The following PRKACB variants were observed in gnomAD, a reference collection of about 807,000 sequenced individuals.
PRKACB encodes protein kinase cAMP-activated catalytic subunit beta.
A neutral mutation model predicts 51.4 loss-of-function variants in PRKACB; 16 were observed. That is an observed-to-expected ratio of 0.31 (90% CI 0.21 to 0.47). PRKACB has a LOEUF of 0.47. Among genes scored for constraint, PRKACB ranks in the 20% least tolerant of loss-of-function variants. PRKACB has a pLI of 1.00. For synonymous variants in PRKACB, 147 were observed against 154.4 expected, an observed-to-expected ratio of 0.95 and a Z score of 0.35; for missense variants, 309 against 464.5, an observed-to-expected ratio of 0.67 and a Z score of 3.08.
chr1:84,151,847 A>G (rs1472610031), intron 1 of PRKACB, among the ~76,000 whole-genome samples: 5 of 152,164 alleles, frequency 3.3e-5, no homozygotes, highest in Non-Finnish European at 7.4e-5. Context: ...AAACCGCTCA[A>G]ACGCATCTAT....
At chr1:84,191,789 G>C (rs972253682) in intron 5 of PRKACB, among the ~76,000 whole-genome samples, 3 of 151,866 alleles carry the variant, frequency 2.0e-5, no homozygotes, top group Non-Finnish European at 4.4e-5. Context: ...CATCCAATAT[G>C]CCCATGTAGC....
intron 1 of PRKACB, among the ~76,000 whole-genome samples, chr1:84,154,456 T>C (rs928013322): frequency 6.6e-6 from 1 of 152,094 alleles, no homozygotes; most frequent in Non-Finnish European, 1.5e-5. Flanking sequence ...CTAGTAGTAT[T>C]TCATGGCTTC....
chr1:84,172,637 AAT>A (rs778923374), intron 1 of PRKACB, among the ~76,000 whole-genome samples: 5 of 151,722 alleles, frequency 3.3e-5, no homozygotes, highest in African/African-American at 1.2e-4. Context: ...TGATTATTTA[AAT>A]ATATGTCTCA....
exon 1 of PRKACB, chr1:84,078,285 C>T: frequency 6.3e-7 from 1 of 1,579,024 alleles, no homozygotes; most frequent in South Asian, 1.2e-5. Flanking sequence ...GGCCCCAGCC[C>T]CCCTTCCCTT....
At chr1:84,164,161 G>A in intron 1 of PRKACB, 6 of 494,764 alleles carry the variant, frequency 1.2e-5, no homozygotes, top group Non-Finnish European at 1.6e-5. Context: ...ATACATATAT[G>A]TATATAATAT....
At chr1:84,222,029 A>G (rs1673806785) in intron 9 of PRKACB, among the ~76,000 whole-genome samples, 1 of 152,232 alleles carries the variant, frequency 6.6e-6, no homozygotes, top group African/African-American at 2.4e-5. Flanking sequence ...GGAGTGTTGA[A>G]GTCCTGAACT....
At chr1:84,234,936 TC>T (rs1320730113) in intron 9 of PRKACB, among the ~76,000 whole-genome samples, 2 of 152,232 alleles carry the variant, frequency 1.3e-5, no homozygotes, top group Non-Finnish European at 2.9e-5. Context: ...TCTTGGCTTC[TC>T]CTCTTATCCC....
intron 1 of PRKACB, among the ~76,000 whole-genome samples, chr1:84,110,061 T>C (rs1650091428): frequency 6.6e-6 from 1 of 151,924 alleles, no homozygotes; most frequent in South Asian, 2.1e-4. Flanking sequence ...TGTATGTGTA[T>C]GTGTGCATAT....
chr1:84,112,210 T>A (rs2100848495), intron 1 of PRKACB, among the ~76,000 whole-genome samples: 1 of 150,454 alleles, frequency 6.6e-6, no homozygotes, highest in South Asian at 2.1e-4. Context: ...GATGGTGTCC[T>A]AAGTTGGACT....
intron 5 of PRKACB, among the ~76,000 whole-genome samples, chr1:84,192,369 G>A (rs1420457368): frequency 6.6e-6 from 1 of 152,074 alleles, no homozygotes; most frequent in African/African-American, 2.4e-5. Context: ...TCAATTCTTT[G>A]TCCCTGAAGG....
chr1:84,232,300 T>C (rs543546616), intron 9 of PRKACB, among the ~76,000 whole-genome samples: 1 of 152,242 alleles, frequency 6.6e-6, no homozygotes, highest in South Asian at 2.1e-4. Context: ...TTGTTATAAT[T>C]TCTGTTCTTT....
At chr1:84,129,982 C>T (rs757194666) in intron 1 of PRKACB, among the ~76,000 whole-genome samples, 2 of 151,950 alleles carry the variant, frequency 1.3e-5, no homozygotes, top group African/African-American at 2.4e-5. Context: ...AGGCAGATCA[C>T]GAGGTCAGGA....
At chr1:84,220,246 C>A (rs1572520318) in intron 9 of PRKACB, among the ~76,000 whole-genome samples, 2 of 151,968 alleles carry the variant, frequency 1.3e-5, no homozygotes, top group East Asian at 3.9e-4. Context: ...TTACTGATTT[C>A]TTTCTTAGCT....
intron 1 of PRKACB, among the ~76,000 whole-genome samples, chr1:84,100,930 C>G (rs1252159830): frequency 6.6e-6 from 1 of 152,176 alleles, no homozygotes; most frequent in Non-Finnish European, 1.5e-5. Context: ...AACAGTGACT[C>G]TAGAGTGTTG....
intron 9 of PRKACB, among the ~76,000 whole-genome samples, chr1:84,216,583 A>T (rs563520638): frequency 1.3e-5 from 2 of 152,258 alleles, no homozygotes; most frequent in South Asian, 2.1e-4. Flanking sequence ...TAGATCTCAT[A>T]AAAAACTTTA....
intron 8 of PRKACB, among the ~76,000 whole-genome samples, chr1:84,211,855 CAAG>C: frequency 6.6e-6 from 1 of 152,094 alleles, no homozygotes; most frequent in African/African-American, 2.4e-5. Context: ...ACCACTGTGT[CAAG>C]AATAAAACTA....
intron 1 of PRKACB, among the ~76,000 whole-genome samples, chr1:84,132,110 A>G (rs148216212): frequency 2.3e-3 from 354 of 152,310 alleles, no homozygotes; most frequent in African/African-American, 8.0e-3. Flanking sequence ...AATGTATACC[A>G]CTGGAGAAAA....
intron 1 of PRKACB, among the ~76,000 whole-genome samples, chr1:84,086,512 G>T (rs1192460281): frequency 6.6e-6 from 1 of 152,094 alleles, no homozygotes; most frequent in Non-Finnish European, 1.5e-5. Flanking sequence ...AGCACTCCTG[G>T]TCAGGCAGCC....
chr1:84,136,625 A>G (rs904910062), intron 1 of PRKACB, among the ~76,000 whole-genome samples: 8 of 152,130 alleles, frequency 5.3e-5, no homozygotes, highest in African/African-American at 1.9e-4. Flanking sequence ...CAGTTTGGCA[A>G]TTTCTTGAAA....
Sources: gnomAD v4.1 joint callset for allele counts (sites outside exome capture counted in the v4.1 genomes callset) on GRCh38, gnomAD v4.1.1 for gene constraint, MANE v1.5 for transcripts, NCBI Gene and HGNC (gene_info 2026-07-23, HGNC 2026-07-21) for gene names.